COL4A6: variants seen among roughly 807,000 people sequenced by gnomAD.
COL4A6 encodes the protein collagen alpha-6(IV) chain.
COL4A6 carries 59 observed loss-of-function variants against 126.7 expected under a neutral mutation model. The ratio of observed to expected loss-of-function variants is 0.47; its 90% CI spans 0.38 to 0.58. The LOEUF is 0.58. COL4A6 is among the 20% of genes least tolerant of loss of function. The probability of loss-of-function intolerance (pLI) is 0.00; values close to 1 mark genes in which losing one functional copy is unlikely to be tolerated. For missense variants in COL4A6, 1,285 were observed against 1,337.3 expected, an observed-to-expected ratio of 0.96 and a Z score of 0.61; for synonymous variants, 547 against 496.6, an observed-to-expected ratio of 1.10 and a Z score of -1.35.
intron 5 of COL4A6, among the ~76,000 whole-genome samples, chrX:108,218,681 C>T (rs2035929339): frequency 2.7e-5 from 3 of 111,375 alleles, no homozygotes; most frequent in Non-Finnish European, 5.7e-5. Context: ...AGATTTGAAC[C>T]CCTTTTCCTG....
At chrX:108,409,576 A>T (rs1407118302) in intron 2 of COL4A6, among the ~76,000 whole-genome samples, 2 of 111,624 alleles carry the variant, frequency 1.8e-5, no homozygotes, top group African/African-American at 6.5e-5. Flanking sequence ...GGAAGTGGAA[A>T]AGCTGGAATA....
At chrX:108,293,074 C>T (rs377412617) in intron 3 of COL4A6, among the ~76,000 whole-genome samples, 44 of 102,706 alleles carry the variant, frequency 4.3e-4, no homozygotes, top group African/African-American at 1.3e-3. Context: ...GCTTTATTGC[C>T]GGGACCATTT....
chrX:108,343,163 ATAGTGTGT>A (rs1450481500), intron 2 of COL4A6, among the ~76,000 whole-genome samples: 3 of 32,488 alleles, frequency 9.2e-5, no homozygotes, highest in Non-Finnish European at 6.5e-5. Context: ...ATATATATAT[ATAGTGTGT>A]GTGTGTGTGT....
chrX:108,386,043 T>C (rs918028621), intron 2 of COL4A6, among the ~76,000 whole-genome samples: 1 of 111,809 alleles, frequency 8.9e-6, no homozygotes, highest in Non-Finnish European at 1.9e-5. Flanking sequence ...GCAAAGGACA[T>C]GAACTCATGC....
intron 5 of COL4A6, among the ~76,000 whole-genome samples, chrX:108,215,061 A>G (rs1401108518): frequency 8.9e-6 from 1 of 112,037 alleles, no homozygotes; most frequent in Non-Finnish European, 1.9e-5. Context: ...ACAGGTCAAT[A>G]AAAGGTAGAT....
At chrX:108,258,679 T>C (rs750168361) in intron 3 of COL4A6, among the ~76,000 whole-genome samples, 1 of 112,017 alleles carries the variant, frequency 8.9e-6, no homozygotes, top group Non-Finnish European at 1.9e-5. Context: ...ACAGAGGCAC[T>C]GAATATTTGT....
intron 3 of COL4A6, among the ~76,000 whole-genome samples, chrX:108,258,337 T>G (rs2037063243): frequency 8.9e-6 from 1 of 112,077 alleles, no homozygotes; most frequent in Non-Finnish European, 1.9e-5. Flanking sequence ...TTCCTAGACC[T>G]CAGGATATGG....
chrX:108,382,539 A>G (rs1300989568), intron 2 of COL4A6, among the ~76,000 whole-genome samples: 1 of 111,581 alleles, frequency 9.0e-6, no homozygotes, highest in Non-Finnish European at 1.9e-5. Context: ...ATGAATGTGT[A>G]TACTGTGATA....
At chrX:108,375,248 A>AT (rs755651095) in intron 2 of COL4A6, among the ~76,000 whole-genome samples, 72 of 111,481 alleles carry the variant, frequency 6.5e-4, no homozygotes, top group African/African-American at 2.3e-3. Flanking sequence ...AATTAAGGTT[A>AT]TTTTTTCCAA....
intron 2 of COL4A6, among the ~76,000 whole-genome samples, chrX:108,353,025 T>A (rs2039879537): frequency 1.8e-5 from 2 of 112,203 alleles, no homozygotes; most frequent in South Asian, 3.7e-4. Flanking sequence ...GACAGGACAC[T>A]GTTTGATGAG....
chrX:108,279,016 C>T (rs1288506949), intron 3 of COL4A6, among the ~76,000 whole-genome samples: 5 of 111,758 alleles, frequency 4.5e-5, no homozygotes, highest in African/African-American at 6.5e-5. Flanking sequence ...AAGGAACAAC[C>T]GGTACCAGCC....
intron 2 of COL4A6, among the ~76,000 whole-genome samples, chrX:108,364,371 A>AT (rs918359214): frequency 2.7e-5 from 3 of 110,269 alleles, no homozygotes; most frequent in Non-Finnish European, 5.7e-5. Flanking sequence ...TAAGTTCCTT[A>AT]TTGTGGTAAG....
rs1485886400 is a variant in COL4A6 at position 108,310,777 on chromosome X, A to G, written c.115T>C (p.Cys39Arg). The G allele has an allele frequency of 8.3e-7, 1 of 1,209,072 alleles. No homozygotes were observed. Among genetic ancestry groups the G allele is most frequent in the Non-Finnish European group, 1.1e-6 (1 of 894,612 alleles). The part of the protein sequence containing the change: ...PCGGQDCSGS[C>R]QCFPEKGARG... The stretch of plus-strand genomic sequence containing the variant: ...GCTCCTTTCTCAGGAAAACACTGAC[A>G]GCTCCCACTGCAGTCCTGGCCCCCA... Residue 39 changes from cysteine (C) to arginine (R), a missense_variant, in exon 3 of 45, where the codon TGT becomes CGT. Transcript: ENST00000334504.
chrX:108,342,846 A>T (rs983897165), intron 2 of COL4A6, among the ~76,000 whole-genome samples: 81 of 108,852 alleles, frequency 7.4e-4, no homozygotes, highest in Non-Finnish European at 1.4e-3. Context: ...TAAGTAAAAA[A>T]TTTTTCTTCA....
At chrX:108,222,318 A>G (rs73636382) in intron 3 of COL4A6, among the ~76,000 whole-genome samples, 1,778 of 112,097 alleles carry the variant, frequency 0.016, 27 homozygotes, top group East Asian at 0.074. Context: ...CAGAGAGCAC[A>G]ACACCGTATC....
At chrX:108,344,971 T>C (rs2039673455) in intron 2 of COL4A6, among the ~76,000 whole-genome samples, 1 of 112,092 alleles carries the variant, frequency 8.9e-6, no homozygotes, top group Non-Finnish European at 1.9e-5. Flanking sequence ...TGTTCCTATG[T>C]TACTAATAGT....
At chrX:108,159,211 G>A (rs1470123311) in intron 44 of COL4A6, among the ~76,000 whole-genome samples, 2 of 111,809 alleles carry the variant, frequency 1.8e-5, no homozygotes, top group African/African-American at 6.5e-5. Flanking sequence ...TGGAGACGGC[G>A]GGGCATTGAC....
intron 2 of COL4A6, among the ~76,000 whole-genome samples, chrX:108,419,273 A>G (rs747215435): frequency 8.9e-6 from 1 of 112,038 alleles, no homozygotes; most frequent in African/African-American, 3.2e-5. Context: ...TACAATATAT[A>G]CAATGCCTTA....
intron 3 of COL4A6, among the ~76,000 whole-genome samples, chrX:108,225,732 T>C (rs758894427): frequency 1.1e-4 from 12 of 113,017 alleles, no homozygotes; most frequent in African/African-American, 3.9e-4. Flanking sequence ...CTTAAAAGCA[T>C]ATGCCTCACA....
Sources: gnomAD v4.1 joint callset for allele counts (sites outside exome capture counted in the v4.1 genomes callset) on GRCh38, gnomAD v4.1.1 for gene constraint, MANE v1.5 for transcripts, NCBI Gene and HGNC (gene_info 2026-07-23, HGNC 2026-07-21) for gene names.